TMEM178B: variants seen among roughly 807,000 people sequenced by gnomAD.
The protein encoded by TMEM178B is transmembrane protein 178B.
In TMEM178B, 5 loss-of-function variants were observed where a neutral mutation model predicts 31.0. The ratio of observed to expected loss-of-function variants is 0.16; its 90% CI spans 0.08 to 0.34. TMEM178B has a LOEUF of 0.34. TMEM178B is among the 10% of genes least tolerant of loss of function. The pLI, the probability that TMEM178B is intolerant of heterozygous loss-of-function variation, is 1.00. For missense variants in TMEM178B, 275 were observed against 400.3 expected (o/e 0.69, Z 2.67); for synonymous variants, 164 against 164.0 (o/e 1.00, Z 0.00).
At chr7:141,186,149 T>C (rs1372511830) in intron 1 of TMEM178B, among the ~76,000 whole-genome samples, 3 of 152,160 alleles carry the variant, frequency 2.0e-5, no homozygotes, top group African/African-American at 7.2e-5. Flanking sequence ...TATCAACTTG[T>C]AGCAGGTTCA....
chr7:141,140,470 G>T (rs1423443878), intron 1 of TMEM178B, among the ~76,000 whole-genome samples: 1 of 152,188 alleles, frequency 6.6e-6, no homozygotes, highest in Admixed American at 6.5e-5. Flanking sequence ...TACAAATCCT[G>T]CCCATAGTTC....
chr7:141,289,647 G>A (rs1043495275), intron 2 of TMEM178B, among the ~76,000 whole-genome samples: 1 of 149,864 alleles, frequency 6.7e-6, no homozygotes, highest in African/African-American at 2.5e-5. Context: ...CCCAGGAGGT[G>A]GAGGTTGCAG....
chr7:141,367,246 C>T (rs1012565536), intron 2 of TMEM178B, among the ~76,000 whole-genome samples: 4 of 152,002 alleles, frequency 2.6e-5, no homozygotes, highest in African/African-American at 9.7e-5. Flanking sequence ...GGAAGGTACT[C>T]CATTCACTGG....
intron 1 of TMEM178B, among the ~76,000 whole-genome samples, chr7:141,102,996 G>A (rs1257580264): frequency 6.6e-6 from 1 of 152,146 alleles, no homozygotes; most frequent in African/African-American, 2.4e-5. Context: ...TCCATCACAG[G>A]CAGCCACACT....
At chr7:141,327,964 A>G (rs1244816071) in intron 2 of TMEM178B, among the ~76,000 whole-genome samples, 1 of 152,218 alleles carries the variant, frequency 6.6e-6, no homozygotes, top group Non-Finnish European at 1.5e-5. Context: ...TTCCTCATGC[A>G]TTCCAGGCAC....
chr7:141,337,077 C>T (rs1323864407), intron 2 of TMEM178B, among the ~76,000 whole-genome samples: 1 of 73,970 alleles, frequency 1.4e-5, no homozygotes, highest in Non-Finnish European at 2.5e-5. Context: ...ACTACCACCA[C>T]CACCACCCCC....
At chr7:141,257,947 T>G (rs1156612599) in intron 2 of TMEM178B, among the ~76,000 whole-genome samples, 1 of 151,816 alleles carries the variant, frequency 6.6e-6, no homozygotes, top group African/African-American at 2.4e-5. Context: ...TTTAGTTAAA[T>G]AGATATTTTC....
At chr7:141,254,202 G>A (rs548026238) in intron 2 of TMEM178B, among the ~76,000 whole-genome samples, 106 of 152,316 alleles carry the variant, frequency 7.0e-4, no homozygotes, top group African/African-American at 2.4e-3. Context: ...GGCATCTGAG[G>A]ATGGGGCCAT....
At chr7:141,251,754 C>T (rs995168038) in intron 2 of TMEM178B, among the ~76,000 whole-genome samples, 1 of 152,170 alleles carries the variant, frequency 6.6e-6, no homozygotes, top group East Asian at 1.9e-4. Context: ...TGTCCAAGGT[C>T]AACAGACTAG....
At chr7:141,159,582 ATG>A (rs1287541425) in intron 1 of TMEM178B, among the ~76,000 whole-genome samples, 1 of 152,238 alleles carries the variant, frequency 6.6e-6, no homozygotes, top group Non-Finnish European at 1.5e-5. Flanking sequence ...GATAAACAAA[ATG>A]TGGCATATTC....
chr7:141,484,167 T>G (rs141100415), downstream of TMEM178B, among the ~76,000 whole-genome samples: 2,856 of 152,330 alleles, frequency 0.019, 106 homozygotes, highest in African/African-American at 0.063. This position sits in a 1 kb window ranked among gnomAD's most constrained non-coding sequence, Gnocchi z 4.8. Context: ...ATTTATTGTA[T>G]TCAATCACTG....
intron 2 of TMEM178B, among the ~76,000 whole-genome samples, chr7:141,381,425 G>A (rs990006370): frequency 9.9e-5 from 15 of 152,186 alleles, no homozygotes; most frequent in African/African-American, 3.6e-4. Context: ...TAAGTGTTGT[G>A]TGAAATTTGT....
chr7:141,130,965 C>T (rs1445461910), intron 1 of TMEM178B, among the ~76,000 whole-genome samples: 1 of 152,194 alleles, frequency 6.6e-6, no homozygotes, highest in Non-Finnish European at 1.5e-5. Context: ...ATAGCTGACC[C>T]TCTCCCACTG....
intron 2 of TMEM178B, among the ~76,000 whole-genome samples, chr7:141,239,167 G>T (rs1181649474): frequency 6.6e-6 from 1 of 152,190 alleles, no homozygotes; most frequent in Non-Finnish European, 1.5e-5. Flanking sequence ...GTGGGGACGT[G>T]TCACATGCAT....
intron 2 of TMEM178B, among the ~76,000 whole-genome samples, chr7:141,317,247 T>C (rs111584659): frequency 2.0e-5 from 3 of 152,262 alleles, no homozygotes; most frequent in African/African-American, 7.2e-5. Context: ...TTTTTGGAGA[T>C]GCCTATAGGG....
At chr7:141,431,322 T>C (rs532062204) in intron 2 of TMEM178B, 13 of 152,022 alleles carry the variant, frequency 8.6e-5, no homozygotes, top group African/African-American at 3.1e-4. Flanking sequence ...CTGTGTAGAG[T>C]TGCAAGCAAT....
chr7:141,099,591 T>A (rs924464099), intron 1 of TMEM178B, among the ~76,000 whole-genome samples: 2 of 152,262 alleles, frequency 1.3e-5, no homozygotes, highest in African/African-American at 4.8e-5. Context: ...AGTAATGTTC[T>A]AATCTCTTGA....
At chr7:141,362,516 A>T (rs1048209118) in intron 2 of TMEM178B, among the ~76,000 whole-genome samples, 1 of 151,762 alleles carries the variant, frequency 6.6e-6, no homozygotes, top group Non-Finnish European at 1.5e-5. Context: ...TTTTTTTTTA[A>T]AAAAAAGACC....
chr7:141,185,447 G>A (rs1400072113), intron 1 of TMEM178B, among the ~76,000 whole-genome samples: 1 of 152,160 alleles, frequency 6.6e-6, no homozygotes, highest in African/African-American at 2.4e-5. Context: ...TCCTCCGACT[G>A]CCCTGGCCAA....
Sources: gnomAD v4.1 joint callset for allele counts (sites outside exome capture counted in the v4.1 genomes callset) on GRCh38, gnomAD v4.1.1 for gene constraint, Gnocchi (gnomAD v3.1) non-coding constraint, MANE v1.5 for transcripts, NCBI Gene and HGNC (gene_info 2026-07-23, HGNC 2026-07-21) for gene names.